Variants in TRPM3 observed in about 807,000 individuals in gnomAD.
The protein encoded by TRPM3 is transient receptor potential cation channel subfamily M member 3.
Under a neutral mutation model 181.2 loss-of-function variants are expected in TRPM3, and 77 were observed. The ratio of observed to expected loss-of-function variants is 0.42; its 90% CI spans 0.35 to 0.51. The LOEUF is 0.51. Ranked by LOEUF, TRPM3 falls within the 20% of genes least tolerant of loss-of-function variation. TRPM3 has a pLI of 0.01. For synonymous variants in TRPM3, 745 were observed against 796.4 expected (o/e 0.94, Z 1.09); for missense variants, 1,759 against 2,196.7 (o/e 0.80, Z 3.98).
At chr9:71,412,338 C>T (rs558393276) in intron 1 of TRPM3, among the ~76,000 whole-genome samples, 4 of 152,234 alleles carry the variant, frequency 2.6e-5, no homozygotes, top group East Asian at 3.9e-4. Flanking sequence ...AAATTTTTTG[C>T]AACCTACCCA....
chr9:71,144,483 TTAAGA>T (rs1329260356), intron 1 of TRPM3, among the ~76,000 whole-genome samples: 4 of 152,304 alleles, frequency 2.6e-5, no homozygotes, highest in Non-Finnish European at 5.9e-5. Context: ...TATTGTACCC[TTAAGA>T]TAAGAAGAAT....
chr9:70,595,043 A>T (rs903353586), intron 21 of TRPM3, among the ~76,000 whole-genome samples: 8 of 152,228 alleles, frequency 5.3e-5, no homozygotes, highest in Non-Finnish European at 1.0e-4. Context: ...GTCATTCATA[A>T]GTTAAAAGGT....
intron 1 of TRPM3, among the ~76,000 whole-genome samples, chr9:71,007,387 A>C (rs2097691326): frequency 6.6e-6 from 1 of 152,134 alleles, no homozygotes; most frequent in Non-Finnish European, 1.5e-5. Context: ...AGTAAATTCC[A>C]CTCAACAGCT....
intron 12 of TRPM3, among the ~76,000 whole-genome samples, chr9:70,630,641 T>A (rs2065647850): frequency 6.6e-6 from 1 of 152,244 alleles, no homozygotes. Context: ...CTGCTGTTTC[T>A]GTTCTAGCAC....
chr9:70,753,671 G>A (rs918472913), intron 8 of TRPM3, among the ~76,000 whole-genome samples: 2 of 152,128 alleles, frequency 1.3e-5, no homozygotes, highest in Non-Finnish European at 1.5e-5. Flanking sequence ...TCTCAGGCTC[G>A]TGAACAGAGA....
chr9:71,106,415 T>C (rs921041674), intron 1 of TRPM3, among the ~76,000 whole-genome samples: 2 of 152,028 alleles, frequency 1.3e-5, no homozygotes, highest in African/African-American at 4.8e-5. Context: ...TCCACAGATC[T>C]GGTTGTTTAA....
chr9:70,894,482 T>C (rs1257515202), intron 1 of TRPM3, among the ~76,000 whole-genome samples: 1 of 152,160 alleles, frequency 6.6e-6, no homozygotes, highest in Non-Finnish European at 1.5e-5. Context: ...TCAAGATCCA[T>C]GCTGTTGGTA....
intron 1 of TRPM3, among the ~76,000 whole-genome samples, chr9:71,011,711 T>C (rs951210453): frequency 6.6e-6 from 1 of 151,706 alleles, no homozygotes; most frequent in Admixed American, 6.6e-5. Context: ...TGCATCTTGA[T>C]TTTAAATAAT....
intron 1 of TRPM3, among the ~76,000 whole-genome samples, chr9:71,306,779 C>A: frequency 6.6e-6 from 1 of 152,150 alleles, no homozygotes; most frequent in South Asian, 2.1e-4. Flanking sequence ...GAGACTGAGG[C>A]AGGAGAATCG....
At chr9:70,932,716 A>G (rs1717584560) in intron 1 of TRPM3, among the ~76,000 whole-genome samples, 1 of 152,158 alleles carries the variant, frequency 6.6e-6, no homozygotes, top group African/African-American at 2.4e-5. Context: ...CGTTAACTCT[A>G]CAGGAGTAGA....
chr9:70,568,652 G>A (rs898024838), intron 22 of TRPM3, among the ~76,000 whole-genome samples: 4 of 152,118 alleles, frequency 2.6e-5, no homozygotes, highest in African/African-American at 9.7e-5. Context: ...ACACAAATAG[G>A]CAAGTAACTT....
At chr9:70,615,797 A>G (rs2062695386) in intron 18 of TRPM3, 111 bp downstream of exon 18, 1 of 1,120,644 alleles carries the variant, frequency 8.9e-7, no homozygotes, top group Admixed American at 2.4e-5. Context: ...ACCTGGTGGA[A>G]GGCTGGGAAC....
intron 1 of TRPM3, among the ~76,000 whole-genome samples, chr9:71,146,159 T>C (rs2075394422): frequency 1.3e-5 from 2 of 152,334 alleles, no homozygotes; most frequent in South Asian, 4.1e-4. Context: ...TTTTATCTTG[T>C]AGATACTCCT....
chr9:70,551,193 C>T (rs2046371910), intron 24 of TRPM3, among the ~76,000 whole-genome samples: 1 of 152,170 alleles, frequency 6.6e-6, no homozygotes, highest in Non-Finnish European at 1.5e-5. Flanking sequence ...AGTGTTTTGT[C>T]TGAGCCTCTG....
rs34736060 is a variant in TRPM3, at chr9:70,632,723, GAA to G, written c.1632+2486_1632+2487del. 1.3e-3 allele frequency among the ~76,000 whole-genome samples: 201 copies of G among 151,360 alleles called. 1 individual carries two copies. The highest frequency in any genetic ancestry group is 4.7e-3 in the African/African-American group (194 of 41,182). On this transcript the variant is annotated intron_variant, in intron 12 of 25. Coordinates refer to ENST00000677713, the MANE Select transcript of TRPM3 (RefSeq NM_001366145.2). ...CTAATATTTGGATCATACTTAAAAG[GAA>G]AAAAAAAAGCTGCTTTTATTCCTTC... is the stretch of plus-strand genomic sequence containing the variant.
intron 1 of TRPM3, among the ~76,000 whole-genome samples, chr9:71,232,563 C>T (rs990059904): frequency 3.0e-4 from 41 of 135,278 alleles, no homozygotes; most frequent in African/African-American, 1.2e-3. Flanking sequence ...TGCGGTGGCA[C>T]GATCTCCACT....
intron 1 of TRPM3, among the ~76,000 whole-genome samples, chr9:71,220,335 C>T (rs2080158002): frequency 6.7e-6 from 1 of 149,252 alleles, no homozygotes; most frequent in Non-Finnish European, 1.5e-5. Flanking sequence ...AAATAGTACT[C>T]TTTAATTTTG....
At chr9:71,317,645 A>G (rs1565456144) in intron 1 of TRPM3, among the ~76,000 whole-genome samples, 2 of 147,830 alleles carry the variant, frequency 1.4e-5, no homozygotes, top group Non-Finnish European at 1.5e-5. Context: ...TCTCTCAAAA[A>G]AAAAAAAAAG....
At chr9:71,415,635 A>AG (rs2093625685) in intron 1 of TRPM3, among the ~76,000 whole-genome samples, 1 of 152,046 alleles carries the variant, frequency 6.6e-6, no homozygotes, top group Non-Finnish European at 1.5e-5. Flanking sequence ...GCTGTATATG[A>AG]CCATTATATC....
Sources: gnomAD v4.1 joint callset for allele counts (sites outside exome capture counted in the v4.1 genomes callset) on GRCh38, gnomAD v4.1.1 for gene constraint, MANE v1.5 for transcripts, NCBI Gene and HGNC (gene_info 2026-07-23, HGNC 2026-07-21) for gene names.